NPHP4: variants seen among roughly 807,000 people sequenced by gnomAD.
NPHP4 encodes the protein nephrocystin-4.
A neutral mutation model predicts 155.8 loss-of-function variants in NPHP4; 151 were observed. That is an observed-to-expected ratio of 0.97 (90% CI 0.85 to 1.11). NPHP4 has a LOEUF of 1.11. NPHP4 is among the 50% of genes least tolerant of loss of function. The pLI is 0.00. For synonymous variants in NPHP4, 845 were observed against 816.8 expected, an observed-to-expected ratio of 1.03 and a Z score of -0.59; for missense variants, 1,956 against 1,925.7, an observed-to-expected ratio of 1.02 and a Z score of -0.29.
At chr1:5,921,938 T>G (rs1645760890) in intron 11 of NPHP4, among the ~76,000 whole-genome samples, 1 of 152,244 alleles carries the variant, frequency 6.6e-6, no homozygotes. Flanking sequence ...ACCCCAGAGA[T>G]ACCCACGTCC....
intron 11 of NPHP4, among the ~76,000 whole-genome samples, chr1:5,925,065 G>A (rs544786275): frequency 6.6e-6 from 1 of 152,268 alleles, no homozygotes; most frequent in African/African-American, 2.4e-5. Flanking sequence ...CTACAGACAT[G>A]GGCAAACTAT....
At chr1:5,908,284 T>C (rs1337634301) in intron 12 of NPHP4, among the ~76,000 whole-genome samples, 2 of 152,196 alleles carry the variant, frequency 1.3e-5, no homozygotes, top group Admixed American at 1.3e-4. Context: ...CAGGGAAGCC[T>C]GGGAGGCCGT....
chr1:5,915,562 G>C (rs545811267), intron 11 of NPHP4, among the ~76,000 whole-genome samples: 3 of 152,124 alleles, frequency 2.0e-5, no homozygotes, highest in Non-Finnish European at 2.9e-5. Flanking sequence ...GATGATGAGT[G>C]AGCACAGGAC....
At chr1:5,980,057 C>T (rs1035704473) in intron 2 of NPHP4, among the ~76,000 whole-genome samples, 1 of 152,138 alleles carries the variant, frequency 6.6e-6, no homozygotes, top group African/African-American at 2.4e-5. Context: ...ACACCTCGGG[C>T]CATCCCTGCA....
intron 22 of NPHP4, among the ~76,000 whole-genome samples, chr1:5,873,994 A>C (rs1642282463): frequency 6.6e-6 from 1 of 151,754 alleles, no homozygotes; most frequent in South Asian, 2.1e-4. Flanking sequence ...CACACACCTC[A>C]CATACATCCT....
chr1:5,945,935 C>T (rs1475791826), intron 9 of NPHP4, among the ~76,000 whole-genome samples: 1 of 152,094 alleles, frequency 6.6e-6, no homozygotes, highest in Non-Finnish European at 1.5e-5. Context: ...TCCCTCCGTC[C>T]CGCATATCCA....
intron 5 of NPHP4, among the ~76,000 whole-genome samples, chr1:5,963,987 C>T (rs1028156846): frequency 1.3e-5 from 2 of 152,178 alleles, no homozygotes; most frequent in African/African-American, 4.8e-5. Context: ...CGCTCCTGGC[C>T]CAACCTCTTC....
chr1:5,899,265 C>T (rs972897828), intron 16 of NPHP4, among the ~76,000 whole-genome samples: 1 of 152,166 alleles, frequency 6.6e-6, no homozygotes, highest in Non-Finnish European at 1.5e-5. Context: ...GAACCCATTC[C>T]AACGCCTGTT....
chr1:5,947,051 C>T, intron 9 of NPHP4, 53 bp downstream of exon 9: 3 of 1,605,390 alleles, frequency 1.9e-6, no homozygotes, highest in Non-Finnish European at 2.6e-6. Context: ...CATTTATCCT[C>T]ACACACAGAG....
At position 5,977,746 on chromosome 1, in the gene NPHP4, G is replaced by A. The variant is rs527422962; in HGVS notation, c.279+524C>T. ...CTCAACCAGTGCCCATCCACCTGCC[G>A]GTCTCAAGACAGAAGGCACAGGTGT... On this transcript the variant is annotated intron_variant, in intron 3 of 29. Coordinates refer to ENST00000378156, the MANE Select transcript of NPHP4 (RefSeq NM_015102.5). Among the ~76,000 whole-genome samples the A allele has an allele frequency of 3.6e-3, 536 of 149,016 alleles. 6 individuals are homozygous for A. Among genetic ancestry groups the A allele is most frequent in the Non-Finnish European group, 5.5e-3 (370 of 67,456 alleles).
At chr1:5,962,979 G>C (rs796070991) in intron 5 of NPHP4, among the ~76,000 whole-genome samples, 1 of 152,244 alleles carries the variant, frequency 6.6e-6, no homozygotes, top group African/African-American at 2.4e-5. Context: ...GGGCATGCAC[G>C]TGGTCTCAGG....
intron 25 of NPHP4, 34 bp downstream of exon 25, chr1:5,866,996 G>A: frequency 6.4e-7 from 1 of 1,550,882 alleles, no homozygotes; most frequent in Non-Finnish European, 8.9e-7. Flanking sequence ...CACTGGGAAG[G>A]ATCTGCCTGA....
At chr1:5,960,844 C>T (rs990536587) in intron 6 of NPHP4, among the ~76,000 whole-genome samples, 1 of 152,074 alleles carries the variant, frequency 6.6e-6, no homozygotes, top group Admixed American at 6.6e-5. Flanking sequence ...AAAACCACAC[C>T]AAGACAGAGC....
Position 5,868,151 on chromosome 1 carries a change from T to G in NPHP4, c.3316-255A>C, listed in dbSNP as rs185916041. 3.6e-5 allele frequency: 22 copies of G among 605,314 alleles called. No individual in the cohort carries two copies. The East Asian group carries it at 6.3e-4, about 17-fold the overall frequency. The allele number at this position is 605,314 out of a possible 1,614,324, so 37.5% of individuals were successfully genotyped here. On this transcript the variant is annotated intron_variant, in intron 23 of 29. Coordinates refer to ENST00000378156, the MANE Select transcript of NPHP4 (RefSeq NM_015102.5). ...ACCCAAGCAGCCACACTGCCATTAT[T>G]CCTCGCGAGTACAGCACACTTCTTA... is the stretch of plus-strand genomic sequence containing the variant.
At chr1:5,965,663 C>T (rs2102206981) in intron 5 of NPHP4, among the ~76,000 whole-genome samples, 1 of 152,200 alleles carries the variant, frequency 6.6e-6, no homozygotes, top group African/African-American at 2.4e-5. Flanking sequence ...AGGAGGGGAC[C>T]AGACAGGCCT....
Position 5,874,335 on chromosome 1 carries a change from A to G in NPHP4, c.3231+136T>C. ...CATGCCAGGGCTCTTGTTGAGCACC[A>G]AGGGGAGTGGGCGGCAGCCCCAAGG... On this transcript the variant is annotated intron_variant, in intron 22 of 29. Coordinates refer to ENST00000378156, the MANE Select transcript of NPHP4 (RefSeq NM_015102.5). 3 of 829,230 alleles carry G rather than the reference A, an allele frequency of 3.6e-6. No homozygotes were observed. In the South Asian group the frequency reaches 6.2e-5, roughly 17 times the overall value. The allele number at this position is 829,230 out of a possible 1,614,324, so 51.4% of individuals were successfully genotyped here.
intron 3 of NPHP4, among the ~76,000 whole-genome samples, chr1:5,975,285 G>A (rs1337355480): frequency 6.6e-6 from 1 of 152,210 alleles, no homozygotes; most frequent in Non-Finnish European, 1.5e-5. Flanking sequence ...GCACATGGAG[G>A]AAACTGCCTG....
intron 16 of NPHP4, among the ~76,000 whole-genome samples, chr1:5,893,383 T>C (rs189201125): frequency 5.9e-5 from 9 of 152,206 alleles, no homozygotes; most frequent in Non-Finnish European, 1.0e-4. Context: ...GTGTGAGTCA[T>C]CTCCAATGAT....
chr1:5,895,898 G>C (rs564125411), intron 16 of NPHP4, among the ~76,000 whole-genome samples: 1 of 152,208 alleles, frequency 6.6e-6, no homozygotes. Flanking sequence ...AGAGCATGAC[G>C]CAGCTACCGT....
Sources: allele counts gnomAD v4.1 joint callset (sites outside exome capture counted in the v4.1 genomes callset), GRCh38; gene constraint gnomAD v4.1.1; transcripts MANE v1.5; gene names NCBI Gene and HGNC (gene_info 2026-07-23, HGNC 2026-07-21).